DENND4A: variants seen among roughly 807,000 people sequenced by gnomAD.
DENND4A encodes the protein C-myc promoter-binding protein.
In DENND4A, 70 loss-of-function variants were observed where a neutral mutation model predicts 199.3. The observed-to-expected ratio is 0.35, with a 90% CI of 0.29 to 0.43. DENND4A has a LOEUF of 0.43. Ranked by LOEUF, DENND4A falls within the 20% of genes least tolerant of loss-of-function variation. DENND4A has a pLI of 1.00. For missense variants in DENND4A, 1,723 were observed against 2,255.8 expected, an observed-to-expected ratio of 0.76 and a Z score of 4.78; for synonymous variants, 686 against 766.9, an observed-to-expected ratio of 0.89 and a Z score of 1.74.
Position 65,691,133 on chromosome 15 carries a change from T to C in DENND4A, c.3461A>G (p.Tyr1154Cys), listed in dbSNP as rs779313656. ...AGGAGAATCCACTTTATCTGCCAAATAGTTAGAACCATCAAAAGGTGTATC... is the reference window on the plus strand; with the variant it reads ...AGGAGAATCCACTTTATCTGCCAAACAGTTAGAACCATCAAAAGGTGTATC... ...DDDTPFDGSN[Y>C]LADKVDSPVI... Residue 1154 changes from tyrosine (Y) to cysteine (C), a missense_variant, in exon 23 of 33, where the codon TAT (tyrosine) becomes TGT (cysteine). Coordinates refer to ENST00000443035, the MANE Select transcript of DENND4A (RefSeq NM_001320835.1). 1.2e-5 allele frequency: 20 copies of C among 1,613,246 alleles called. No individual in the cohort carries two copies. The African/African-American group carries it at 1.7e-4, about 14-fold the overall frequency.
chr15:65,707,689 AT>A (rs199600831), intron 14 of DENND4A, among the ~76,000 whole-genome samples: 633 of 144,512 alleles, frequency 4.4e-3, no homozygotes, highest in African/African-American at 8.8e-3. Context: ...ACATATTATG[AT>A]TTTTTTTTTT....
chr15:65,746,835 G>A (rs374983370), intron 4 of DENND4A, among the ~76,000 whole-genome samples: 4 of 151,676 alleles, frequency 2.6e-5, no homozygotes, highest in African/African-American at 9.7e-5. Context: ...CACTTTGGGA[G>A]GCCGAGGCAG....
At chr15:65,679,555 G>C (rs2076501204) in intron 23 of DENND4A, among the ~76,000 whole-genome samples, 1 of 151,286 alleles carries the variant, frequency 6.6e-6, no homozygotes, top group African/African-American at 2.4e-5. Flanking sequence ...TTTTGAGGTA[G>C]GGTTTTGCTC....
At chr15:65,767,706 TATTTAA>T (rs1481559482) in intron 1 of DENND4A, among the ~76,000 whole-genome samples, 1 of 152,180 alleles carries the variant, frequency 6.6e-6, no homozygotes, top group East Asian at 1.9e-4. Flanking sequence ...ACAAACACAT[TATTTAA>T]ATTTAGTGTT....
Position 65,731,388 on chromosome 15 carries a change from TAC to T in DENND4A, c.1166+252_1166+253del, listed in dbSNP as rs532310844. The T allele has an allele frequency of 4.7e-3, 2,264 of 480,728 alleles. 1 individual carries two copies. Among genetic ancestry groups the T allele is most frequent in the Non-Finnish European group, 5.5e-3 (1,347 of 246,940 alleles). The allele number at this position is 480,728 out of a possible 1,614,324, so 29.8% of individuals were successfully genotyped here. A position where few individuals can be genotyped will look rare whatever the true frequency, so the allele number is the denominator to read the frequency against. ...TGTTCTCATCATCTACATACATAAA[TAC>T]ACACACACACACACTTACACAATAG... On this transcript the variant is annotated intron_variant, in intron 9 of 32. Transcript: ENST00000443035.
chr15:65,664,841 G>C, intron 30 of DENND4A, 119 bp from the exon 31 acceptor site: 1 of 851,188 alleles, frequency 1.2e-6, no homozygotes, highest in Non-Finnish European at 1.7e-6. Flanking sequence ...AAGGGCAATA[G>C]ATAAAGAAAT....
intron 4 of DENND4A, among the ~76,000 whole-genome samples, chr15:65,749,816 G>T (rs2076511969): frequency 6.6e-6 from 1 of 152,054 alleles, no homozygotes; most frequent in African/African-American, 2.4e-5. Context: ...ATGCCTGCTG[G>T]GAGTAAAAAC....
chr15:65,772,521 A>G lies in DENND4A; in HGVS notation c.-101-11083T>C, dbSNP rs913584998. ...CAGGAGTTTGAGACCAGCCTGACCA[A>G]TATGGTGAAACCCTGTCTCTACTAA... On this transcript the variant is annotated intron_variant, in intron 1 of 32. Transcript: ENST00000443035. Among the ~76,000 whole-genome samples, 8 of 151,902 alleles carry G rather than the reference A, an allele frequency of 5.3e-5. No individual in the cohort carries two copies. The South Asian group carries it at 8.3e-4, about 16-fold the overall frequency.
chr15:65,700,951 A>C, intron 19 of DENND4A, 100 bp downstream of exon 19: 1 of 1,344,670 alleles, frequency 7.4e-7, no homozygotes, highest in Non-Finnish European at 1.0e-6. Context: ...ACTAAAAACT[A>C]AAACATTCAA....
intron 1 of DENND4A, among the ~76,000 whole-genome samples, chr15:65,787,259 T>A (rs73473630): frequency 2.6e-5 from 4 of 152,218 alleles, no homozygotes; most frequent in Non-Finnish European, 5.9e-5. Flanking sequence ...TGTGAACTTA[T>A]GTATGTATAT....
At chr15:65,753,572 T>G (rs2076621181) in intron 3 of DENND4A, among the ~76,000 whole-genome samples, 1 of 152,176 alleles carries the variant, frequency 6.6e-6, no homozygotes, top group African/African-American at 2.4e-5. Flanking sequence ...TTGGCCAGGC[T>G]GATCTCGAAC....
chr15:65,745,947 A>G (rs147643612), intron 4 of DENND4A, among the ~76,000 whole-genome samples: 1,913 of 151,960 alleles, frequency 0.013, 46 homozygotes, highest in African/African-American at 0.044. Context: ...CGGCCTGGCC[A>G]ACATGGTGAA....
Position 65,715,594 on chromosome 15 carries a change from G to T in DENND4A, c.1837C>A (p.Gln613Lys), listed in dbSNP as rs2075372808. The T allele has an allele frequency of 2.5e-6, 4 of 1,583,594 alleles. No homozygotes were observed. Among genetic ancestry groups the T allele is most frequent in the South Asian group, 1.2e-5 (1 of 86,542 alleles). The change falls in exon 14 of 33, where the codon CAA becomes AAA. Residue 613 changes from glutamine to lysine, a missense_variant. Around this residue, in one of 6 missense-constraint regions of DENND4A, gnomAD observed 725 missense variants for 952.9 expected, o/e 0.76. Coordinates refer to ENST00000443035, the MANE Select transcript of DENND4A (RefSeq NM_001320835.1). ...AFLRSRDRSH[Q>K]KFYNMMTKTQ... is the part of the protein sequence containing the mutation. Reference sequence around the variant, plus strand: ...TTGGTCATCATGTTATAGAATTTTTGATGTGACCGGTCCCGGCTTCTTAAG... The same window carrying T: ...TTGGTCATCATGTTATAGAATTTTTTATGTGACCGGTCCCGGCTTCTTAAG...
chr15:65,758,618 T>G (rs1214588105), intron 2 of DENND4A, among the ~76,000 whole-genome samples: 1 of 152,184 alleles, frequency 6.6e-6, no homozygotes. Flanking sequence ...AACCTATTTG[T>G]TTCTTTAACT....
At chr15:65,750,250 C>A (rs999260561) in intron 4 of DENND4A, among the ~76,000 whole-genome samples, 4 of 152,108 alleles carry the variant, frequency 2.6e-5, no homozygotes, top group Non-Finnish European at 2.9e-5. Flanking sequence ...CTAAATACTG[C>A]ATTTTCTCGC....
intron 1 of DENND4A, among the ~76,000 whole-genome samples, chr15:65,781,602 C>T (rs1262392537): frequency 1.3e-5 from 2 of 152,052 alleles, no homozygotes; most frequent in Non-Finnish European, 2.9e-5. Flanking sequence ...AAGTTTCTTC[C>T]TTGGTTGATG....
chr15:65,756,095 T>C (rs767522865), intron 3 of DENND4A, 45 bp downstream of exon 3: 1 of 1,466,156 alleles, frequency 6.8e-7, no homozygotes, highest in Non-Finnish European at 9.2e-7. Flanking sequence ...CTACAAGGCA[T>C]ATTATTTGGA....
At chr15:65,693,959 C>A (rs1384926912) in intron 22 of DENND4A, among the ~76,000 whole-genome samples, 2 of 151,954 alleles carry the variant, frequency 1.3e-5, no homozygotes. Context: ...TAGGCAGTAA[C>A]TGCAGCCAAC....
chr15:65,662,099 T>G, intron 32 of DENND4A, 112 bp from the exon 33 acceptor site: 3 of 777,022 alleles, frequency 3.9e-6, no homozygotes, highest in Non-Finnish European at 6.0e-6. Flanking sequence ...AAGAAGGAAT[T>G]GCTAGGACAT....
Sources: gnomAD v4.1 joint callset for allele counts (sites outside exome capture counted in the v4.1 genomes callset) on GRCh38, gnomAD v4.1.1 for gene constraint, gnomAD v4.1.1 regional missense constraint, MANE v1.5 for transcripts, NCBI Gene and HGNC (gene_info 2026-07-23, HGNC 2026-07-21) for gene names.